The following PDSS2 variants were observed in gnomAD, a reference collection of about 807,000 sequenced individuals.
PDSS2 encodes all trans-polyprenyl-diphosphate synthase PDSS2.
Under a neutral mutation model 44.5 loss-of-function variants are expected in PDSS2, and 31 were observed. The ratio of observed to expected loss-of-function variants is 0.70; its 90% CI spans 0.52 to 0.94. The LOEUF (loss-of-function observed/expected upper bound fraction) is 0.94. Ranked by LOEUF, PDSS2 falls within the 40% of genes least tolerant of loss-of-function variation. PDSS2 has a pLI of 0.00. For missense variants in PDSS2, 452 were observed against 482.2 expected (o/e 0.94, Z 0.59); for synonymous variants, 157 against 180.3 (o/e 0.87, Z 1.03).
intron 2 of PDSS2, among the ~76,000 whole-genome samples, chr6:107,330,822 C>A (rs1777689081): frequency 6.6e-6 from 1 of 152,272 alleles, no homozygotes. Flanking sequence ...CGAATGTTTA[C>A]AGTACATTTT....
intron 4 of PDSS2, among the ~76,000 whole-genome samples, chr6:107,237,897 GA>G (rs71551306): frequency 0.015 from 1,243 of 80,634 alleles, 5 homozygotes; most frequent in Middle Eastern, 0.052. Context: ...CTCCGTCTCT[GA>G]AAAAAAAAAA....
chr6:107,193,774 C>T (rs1446323005), intron 7 of PDSS2, 48 bp downstream of exon 7: 1 of 1,127,542 alleles, frequency 8.9e-7, no homozygotes, highest in East Asian at 2.3e-5. Context: ...AAGCCAAACA[C>T]CAAATTGAAA....
chr6:107,161,912 G>A (rs918188805), intron 7 of PDSS2, among the ~76,000 whole-genome samples: 1 of 152,086 alleles, frequency 6.6e-6, no homozygotes, highest in Non-Finnish European at 1.5e-5. Flanking sequence ...AAAGTAAACC[G>A]CCGATAGTGA....
chr6:107,288,153 C>T (rs1253249291), intron 2 of PDSS2, among the ~76,000 whole-genome samples: 1 of 152,150 alleles, frequency 6.6e-6, no homozygotes, highest in Non-Finnish European at 1.5e-5. Flanking sequence ...GTCCGTCCAA[C>T]ATGTTTGTTT....
intron 2 of PDSS2, among the ~76,000 whole-genome samples, chr6:107,330,587 C>G (rs753559953): frequency 6.6e-6 from 1 of 152,072 alleles, no homozygotes. Context: ...TGAGAAAAAT[C>G]TATAGTTTTT....
intron 7 of PDSS2, among the ~76,000 whole-genome samples, chr6:107,163,374 C>G (rs1182569976): frequency 6.6e-6 from 1 of 152,146 alleles, no homozygotes; most frequent in African/African-American, 2.4e-5. Context: ...CAAGGAGGAA[C>G]CTGATAGCTT....
intron 1 of PDSS2, among the ~76,000 whole-genome samples, chr6:107,351,783 T>C (rs972438913): frequency 2.6e-5 from 4 of 152,184 alleles, no homozygotes; most frequent in African/African-American, 9.6e-5. Context: ...AAAAAGCTAT[T>C]ATTCTCTATA....
chr6:107,405,664 G>A (rs893673099), intron 1 of PDSS2, among the ~76,000 whole-genome samples: 6 of 151,796 alleles, frequency 4.0e-5, no homozygotes, highest in Non-Finnish European at 7.4e-5. Context: ...CGGCTAAAAC[G>A]GTGAAACCCC....
At chr6:107,410,605 G>C (rs1041920799) in intron 1 of PDSS2, among the ~76,000 whole-genome samples, 1 of 151,272 alleles carries the variant, frequency 6.6e-6, no homozygotes, top group Non-Finnish European at 1.5e-5. Flanking sequence ...TCTCTGCTTC[G>C]GCCTCCCAAA....
At chr6:107,426,195 T>C (rs1780997811) in intron 1 of PDSS2, among the ~76,000 whole-genome samples, 1 of 152,034 alleles carries the variant, frequency 6.6e-6, no homozygotes, top group Admixed American at 6.5e-5. Context: ...AGGGACTTGG[T>C]CCCCTGCATC....
intron 1 of PDSS2, among the ~76,000 whole-genome samples, chr6:107,415,164 T>C (rs1429671681): frequency 6.6e-6 from 1 of 152,104 alleles, no homozygotes; most frequent in Non-Finnish European, 1.5e-5. Context: ...TTTTTTTTTA[T>C]TTTAGTTCCT....
At chr6:107,301,265 A>G (rs1166670973) in intron 2 of PDSS2, among the ~76,000 whole-genome samples, 24 of 152,234 alleles carry the variant, frequency 1.6e-4, no homozygotes, top group Admixed American at 1.6e-3. Flanking sequence ...AAACAAAAAC[A>G]CACACTAAAG....
intron 3 of PDSS2, among the ~76,000 whole-genome samples, chr6:107,273,615 A>G (rs1582878085): frequency 1.3e-5 from 2 of 152,172 alleles, no homozygotes; most frequent in South Asian, 4.1e-4. Context: ...AACCTTATAC[A>G]TAGCAAGTTC....
intron 1 of PDSS2, among the ~76,000 whole-genome samples, chr6:107,424,186 C>T (rs1490374541): frequency 2.0e-5 from 3 of 151,740 alleles, no homozygotes; most frequent in South Asian, 2.1e-4. Context: ...GGACCATAGG[C>T]GAGCATTACC....
At chr6:107,391,580 C>T (rs962361464) in intron 1 of PDSS2, among the ~76,000 whole-genome samples, 6 of 151,882 alleles carry the variant, frequency 4.0e-5, no homozygotes, top group African/African-American at 1.5e-4. Context: ...TGAGGAGGGC[C>T]AATGTTTTAG....
intron 7 of PDSS2, among the ~76,000 whole-genome samples, chr6:107,170,150 G>A (rs530558854): frequency 6.6e-6 from 1 of 152,282 alleles, no homozygotes; most frequent in African/African-American, 2.4e-5. Flanking sequence ...CCGCTGCTTT[G>A]TTTACCTACT....
chr6:107,351,095 T>C (rs966036973), intron 1 of PDSS2, among the ~76,000 whole-genome samples: 2 of 151,890 alleles, frequency 1.3e-5, no homozygotes, highest in Non-Finnish European at 2.9e-5. Context: ...ATAAAAGTAA[T>C]GGGAAAAAAG....
At chr6:107,322,572 TGG>T (rs1264488085) in intron 2 of PDSS2, among the ~76,000 whole-genome samples, 1 of 151,690 alleles carries the variant, frequency 6.6e-6, no homozygotes, top group Non-Finnish European at 1.5e-5. Context: ...AGGCCGGGTG[TGG>T]TGGCTCATGC....
intron 1 of PDSS2, among the ~76,000 whole-genome samples, chr6:107,436,465 A>G (rs1186156013): frequency 6.6e-6 from 1 of 152,228 alleles, no homozygotes; most frequent in East Asian, 1.9e-4. Context: ...CTTAAATAAT[A>G]TATGTACCCT....
Sources: allele counts gnomAD v4.1 joint callset (sites outside exome capture counted in the v4.1 genomes callset), GRCh38; gene constraint gnomAD v4.1.1; transcripts MANE v1.5; gene names NCBI Gene and HGNC (gene_info 2026-07-23, HGNC 2026-07-21).